The following PRKCE variants were observed in gnomAD, a reference collection of about 807,000 sequenced individuals.
PRKCE encodes the protein protein kinase C epsilon type.
In PRKCE, 16 loss-of-function variants were observed where a neutral mutation model predicts 85.4. The observed-to-expected ratio is 0.19, with a 90% confidence interval of 0.13 to 0.28. The LOEUF (loss-of-function observed/expected upper bound fraction) is 0.28. PRKCE is among the 10% of genes least tolerant of loss of function. The pLI is 1.00. For synonymous variants in PRKCE, 388 were observed against 371.5 expected, an observed-to-expected ratio of 1.04 and a Z score of -0.51; for missense variants, 573 against 975.2, an observed-to-expected ratio of 0.59 and a Z score of 5.49.
intron 2 of PRKCE, among the ~76,000 whole-genome samples, chr2:45,953,764 G>GTC (rs932627842): frequency 3.9e-5 from 6 of 152,212 alleles, no homozygotes; most frequent in African/African-American, 1.4e-4. Context: ...TGATTCAGTT[G>GTC]TCTGTGGTGG....
At chr2:46,097,156 T>C (rs1466688771) in intron 11 of PRKCE, among the ~76,000 whole-genome samples, 1 of 152,108 alleles carries the variant, frequency 6.6e-6, no homozygotes, top group African/African-American at 2.4e-5. Context: ...CAGGATATAT[T>C]GACACTGATA....
In PRKCE at chr2:46,068,647, A is replaced by AT. The variant is rs1558417063; in HGVS notation, c.1438-17559dup. 6.6e-6 allele frequency among the ~76,000 whole-genome samples: 1 copy of AT among 152,240 alleles called. No individual in the cohort carries two copies. Among genetic ancestry groups the AT allele is most frequent in the Non-Finnish European group, 1.5e-5 (1 of 68,040 alleles). On this transcript the variant is annotated intron_variant, in intron 10 of 14. Transcript: ENST00000306156. This position sits in a 1 kb window ranked among gnomAD's most constrained non-coding sequence, Gnocchi z 4.3. The stretch of plus-strand genomic sequence containing the variant: ...ATGTGTAGTTTAAGGATTGCCGTGA[A>AT]TTCAGAAGCAGAAGAATTCTCCAAG...
chr2:45,816,708 C>A (rs564433763), intron 1 of PRKCE, among the ~76,000 whole-genome samples: 2 of 152,246 alleles, frequency 1.3e-5, no homozygotes, highest in South Asian at 4.1e-4. Flanking sequence ...AGGGTATCCC[C>A]AGCGCCACCC....
At chr2:46,023,049 G>A (rs1706804721) in intron 10 of PRKCE, among the ~76,000 whole-genome samples, 1 of 131,810 alleles carries the variant, frequency 7.6e-6, no homozygotes, top group Admixed American at 8.4e-5. Context: ...CGCCACTGCA[G>A]TCCGCAGTCC....
At chr2:45,747,679 A>T (rs562822972) in intron 1 of PRKCE, among the ~76,000 whole-genome samples, 1 of 152,234 alleles carries the variant, frequency 6.6e-6, no homozygotes, top group Non-Finnish European at 1.5e-5. Context: ...GTATACAACT[A>T]TCTCTTTGAG....
At chr2:45,727,205 C>T (rs1427842820) in intron 1 of PRKCE, among the ~76,000 whole-genome samples, 1 of 152,114 alleles carries the variant, frequency 6.6e-6, no homozygotes, top group Non-Finnish European at 1.5e-5. Context: ...ACTGTGTAGA[C>T]AAGAACAGCT....
chr2:45,954,532 T>G (rs1700842024), intron 2 of PRKCE, among the ~76,000 whole-genome samples: 1 of 152,230 alleles, frequency 6.6e-6, no homozygotes, highest in Non-Finnish European at 1.5e-5. Context: ...GCCTATCTAA[T>G]TTAAACATAA....
intron 1 of PRKCE, among the ~76,000 whole-genome samples, chr2:45,800,521 C>T (rs1479370791): frequency 6.6e-6 from 1 of 152,166 alleles, no homozygotes; most frequent in Non-Finnish European, 1.5e-5. Context: ...TGCCAATAGG[C>T]AATGAGAGGC....
intron 2 of PRKCE, among the ~76,000 whole-genome samples, chr2:45,920,833 A>G (rs1170740924): frequency 4.6e-5 from 7 of 152,256 alleles, no homozygotes; most frequent in Non-Finnish European, 7.3e-5. Context: ...CTCTGAATAT[A>G]CTAAAACAAT....
At chr2:46,054,155 CTGAT>C (rs2105079812) in intron 10 of PRKCE, among the ~76,000 whole-genome samples, 1 of 152,310 alleles carries the variant, frequency 6.6e-6, no homozygotes, top group African/African-American at 2.4e-5. Context: ...AAATGATTAA[CTGAT>C]TGAATTCTCA....
At chr2:46,017,642 G>A (rs1237806784) in intron 10 of PRKCE, among the ~76,000 whole-genome samples, 1 of 152,168 alleles carries the variant, frequency 6.6e-6, no homozygotes, top group African/African-American at 2.4e-5. Context: ...TTTCCATAAT[G>A]ACTGAACTAT....
intron 11 of PRKCE, among the ~76,000 whole-genome samples, chr2:46,130,458 C>T (rs558570194): frequency 1.1e-4 from 17 of 152,258 alleles, no homozygotes; most frequent in African/African-American, 3.6e-4. Context: ...TACATGTTGT[C>T]TGCGTACAGT....
intron 1 of PRKCE, among the ~76,000 whole-genome samples, chr2:45,763,028 T>C (rs1039630135): frequency 5.9e-5 from 9 of 151,786 alleles, no homozygotes; most frequent in Non-Finnish European, 8.8e-5. Context: ...CTCGGCTCAC[T>C]GCAAGCTCCG....
intron 2 of PRKCE, among the ~76,000 whole-genome samples, chr2:45,927,802 C>G (rs758974697): frequency 6.6e-6 from 1 of 152,102 alleles, no homozygotes; most frequent in Non-Finnish European, 1.5e-5. Flanking sequence ...AAAAAAAATA[C>G]ATCTTTATTT....
In PRKCE at chr2:45,685,248, A is replaced by G. The variant is rs764571639; in HGVS notation, c.348+32800A>G. Reference sequence around the variant, plus strand: ...TATTAAGTTGATCAATACTTTGTTGAAAACTTTCTCTGTACCTGGTACTAA... The same window carrying G: ...TATTAAGTTGATCAATACTTTGTTGGAAACTTTCTCTGTACCTGGTACTAA... On this transcript the variant is annotated intron_variant, in intron 1 of 14. Coordinates refer to ENST00000306156, the MANE Select transcript of PRKCE (RefSeq NM_005400.3). Among the ~76,000 whole-genome samples the G allele has an allele frequency of 2.0e-4, 31 of 152,354 alleles. 1 individual carries two copies. The Middle Eastern group carries it at 0.01, about 50-fold the overall frequency.
chr2:45,830,472 G>C (rs1418347608), intron 1 of PRKCE, among the ~76,000 whole-genome samples: 2 of 152,076 alleles, frequency 1.3e-5, no homozygotes, highest in Admixed American at 1.3e-4. Context: ...AAAGATAAAA[G>C]AAATGGATAT....
chr2:45,971,518 A>T lies in PRKCE; in HGVS notation c.413-4911A>T, dbSNP rs72874372. On this transcript the variant is annotated intron_variant, in intron 2 of 14. Coordinates refer to ENST00000306156, the MANE Select transcript of PRKCE (RefSeq NM_005400.3). ...AGCCTCACACTTCATAAAAGTATCA[A>T]GTGGTTCTCTCTGGCTTTTACTTAG... Among the ~76,000 whole-genome samples, 331 of 152,368 alleles carry T rather than the reference A, an allele frequency of 2.2e-3. 2 individuals carry two copies. Among genetic ancestry groups the T allele is most frequent in the African/African-American group, 7.8e-3 (323 of 41,594 alleles).
intron 1 of PRKCE, among the ~76,000 whole-genome samples, chr2:45,656,958 G>C (rs1207353251): frequency 6.6e-6 from 1 of 152,258 alleles, no homozygotes; most frequent in South Asian, 2.1e-4. Flanking sequence ...CATGTTAGAA[G>C]CAGAGGCTGA....
intron 2 of PRKCE, among the ~76,000 whole-genome samples, chr2:45,854,145 G>A (rs533385105): frequency 1.3e-5 from 2 of 152,326 alleles, no homozygotes; most frequent in South Asian, 4.1e-4. Flanking sequence ...AAGGGCAGAG[G>A]TTCCTGTACT....
Sources: gnomAD v4.1 joint callset for allele counts (sites outside exome capture counted in the v4.1 genomes callset) on GRCh38, gnomAD v4.1.1 for gene constraint, Gnocchi (gnomAD v3.1) non-coding constraint, MANE v1.5 for transcripts, NCBI Gene and HGNC (gene_info 2026-07-23, HGNC 2026-07-21) for gene names.